Variants in DNM3 observed in about 807,000 individuals in gnomAD.
DNM3 encodes dynamin-3.
Under a neutral mutation model 101.6 loss-of-function variants are expected in DNM3, and 47 were observed. The observed-to-expected ratio is 0.46, with a 90% CI of 0.37 to 0.59. DNM3 has a LOEUF of 0.59. DNM3 is among the 20% of genes least tolerant of loss of function. The pLI, the probability that DNM3 is intolerant of heterozygous loss-of-function variation, is 0.00. For missense variants in DNM3, 849 were observed against 1,085.7 expected, an observed-to-expected ratio of 0.78 and a Z score of 3.06; for synonymous variants, 385 against 387.9, an observed-to-expected ratio of 0.99 and a Z score of 0.09.
chr1:172,390,778 T>C (rs1372727351), intron 20 of DNM3, among the ~76,000 whole-genome samples: 1 of 152,164 alleles, frequency 6.6e-6, no homozygotes. Context: ...TTGAGGCCAT[T>C]GGAAGAGGAA....
intron 14 of DNM3, among the ~76,000 whole-genome samples, chr1:172,186,821 C>T (rs2059543632): frequency 6.6e-6 from 1 of 152,020 alleles, no homozygotes; most frequent in Non-Finnish European, 1.5e-5. Context: ...AGATGTTTTC[C>T]TTAGGCTATT....
At position 172,410,676 on chromosome 1, in the gene DNM3, A is replaced by G. The variant is rs1382657960; in HGVS notation, c.*2835A>G. ...ATTGCTTTTAGCCGTGTTTTATAACATAGACGAGCAGTAGGGTCTGTTTAT... is the reference window on the plus strand; with the variant it reads ...ATTGCTTTTAGCCGTGTTTTATAACGTAGACGAGCAGTAGGGTCTGTTTAT... On this transcript the variant is annotated 3_prime_UTR_variant, in exon 21 of 21. Transcript: ENST00000627582. 2.0e-6 allele frequency: 2 copies of G among 985,234 alleles called. No individual in the cohort carries two copies. Among genetic ancestry groups the G allele is most frequent in the Non-Finnish European group, 2.4e-6 (2 of 829,848 alleles). 61.0% of individuals were successfully genotyped at this position (985,234 alleles called of 1,614,324 possible).
At chr1:171,895,800 T>G (rs1394819967) in intron 1 of DNM3, among the ~76,000 whole-genome samples, 2 of 152,190 alleles carry the variant, frequency 1.3e-5, no homozygotes, top group Non-Finnish European at 2.9e-5. Flanking sequence ...TAATCCATCT[T>G]GAATTAATTT....
intron 17 of DNM3, among the ~76,000 whole-genome samples, chr1:172,357,576 T>C (rs2067518231): frequency 6.6e-6 from 1 of 152,070 alleles, no homozygotes; most frequent in Non-Finnish European, 1.5e-5. Flanking sequence ...GACTGAGGTA[T>C]TGCTCCAAAT....
At chr1:172,402,300 A>T (rs933860122) in intron 20 of DNM3, among the ~76,000 whole-genome samples, 1 of 152,138 alleles carries the variant, frequency 6.6e-6, no homozygotes, top group Non-Finnish European at 1.5e-5. Context: ...AAATAAGTTT[A>T]AAAAGGGTGG....
intron 11 of DNM3, among the ~76,000 whole-genome samples, chr1:172,073,717 A>G (rs2052407116): frequency 6.6e-6 from 1 of 152,156 alleles, no homozygotes; most frequent in African/African-American, 2.4e-5. Context: ...TTATCCAACA[A>G]AGTTGAAGAG....
At chr1:172,357,329 C>T (rs1156824712) in intron 17 of DNM3, among the ~76,000 whole-genome samples, 1 of 152,000 alleles carries the variant, frequency 6.6e-6, no homozygotes, top group African/African-American at 2.4e-5. Flanking sequence ...GTGGAGAAAC[C>T]TGGAAGACAC....
chr1:172,321,031 A>G (rs183711200), intron 16 of DNM3, among the ~76,000 whole-genome samples: 1 of 152,198 alleles, frequency 6.6e-6, no homozygotes, highest in African/African-American at 2.4e-5. Context: ...TCACCCTGGA[A>G]CTTCACTATT....
chr1:171,993,130 C>T (rs2045747486), intron 4 of DNM3, among the ~76,000 whole-genome samples: 1 of 151,952 alleles, frequency 6.6e-6, no homozygotes, highest in Non-Finnish European at 1.5e-5. Context: ...AAAAGAGTTA[C>T]AAACAAAAAT....
At chr1:172,069,188 G>A (rs1284980118) in intron 11 of DNM3, among the ~76,000 whole-genome samples, 3 of 152,068 alleles carry the variant, frequency 2.0e-5, no homozygotes, top group African/African-American at 7.2e-5. Context: ...AATGCTCCAT[G>A]GATCATGCAT....
chr1:171,865,202 A>G (rs887718605), intron 1 of DNM3, among the ~76,000 whole-genome samples: 4 of 152,192 alleles, frequency 2.6e-5, no homozygotes, highest in Admixed American at 2.0e-4. Context: ...TTTAAAATAA[A>G]ACATTAAAGT....
chr1:172,331,889 C>T (rs925836393), intron 17 of DNM3, among the ~76,000 whole-genome samples: 2 of 152,082 alleles, frequency 1.3e-5, no homozygotes, highest in African/African-American at 4.8e-5. Context: ...GCTGCTGTGT[C>T]AGTTCAGGGG....
chr1:172,301,996 A>G (rs532876019), intron 15 of DNM3, among the ~76,000 whole-genome samples: 6 of 152,230 alleles, frequency 3.9e-5, no homozygotes, highest in Middle Eastern at 6.8e-3. Flanking sequence ...TGCTTTTCCA[A>G]CTGAGGTACC....
intron 15 of DNM3, among the ~76,000 whole-genome samples, chr1:172,298,290 T>A (rs553156613): frequency 6.6e-6 from 1 of 152,310 alleles, no homozygotes; most frequent in Admixed American, 6.5e-5. Context: ...TTTCATTTGT[T>A]CTTCATGGCA....
chr1:172,258,192 C>T (rs944818120), intron 15 of DNM3, among the ~76,000 whole-genome samples: 1 of 151,976 alleles, frequency 6.6e-6, no homozygotes, highest in Admixed American at 6.6e-5. Context: ...CCATTTAGAA[C>T]ATTTAGGTTG....
intron 14 of DNM3, among the ~76,000 whole-genome samples, chr1:172,150,455 A>G (rs1159863157): frequency 1.3e-5 from 2 of 152,170 alleles, no homozygotes; most frequent in African/African-American, 2.4e-5. Context: ...CAAAAGCTAT[A>G]GAGACAATAA....
chr1:172,290,739 T>A lies in DNM3; in HGVS notation c.1770-17989T>A, dbSNP rs573511177. ...GGGAATCTGTAGGTCAGGGGAGAGA[T>A]CTGAACTAAGCCACCTTTAAATGAT... On this transcript the variant is annotated intron_variant, in intron 15 of 20. Coordinates refer to ENST00000627582, the MANE Select transcript of DNM3 (RefSeq NM_015569.5). 2.0e-5 allele frequency among the ~76,000 whole-genome samples: 3 copies of A among 152,164 alleles called. No homozygotes were observed. The East Asian group carries it at 5.8e-4, about 29-fold the overall frequency.
chr1:172,267,797 C>T (rs2062924618), intron 15 of DNM3, among the ~76,000 whole-genome samples: 2 of 152,176 alleles, frequency 1.3e-5, no homozygotes, highest in East Asian at 3.9e-4. Context: ...ACTGCAAGCT[C>T]CGCCTCCCGG....
intron 1 of DNM3, among the ~76,000 whole-genome samples, chr1:171,887,675 A>G (rs989928745): frequency 1.3e-5 from 2 of 152,140 alleles, no homozygotes; most frequent in Non-Finnish European, 2.9e-5. Context: ...ACGTGGTTCA[A>G]AAAAATCTCT....
Sources: gnomAD v4.1 joint callset for allele counts (sites outside exome capture counted in the v4.1 genomes callset) on GRCh38, gnomAD v4.1.1 for gene constraint, MANE v1.5 for transcripts, NCBI Gene and HGNC (gene_info 2026-07-23, HGNC 2026-07-21) for gene names.